PTPRK: variants seen among roughly 807,000 people sequenced by gnomAD.
PTPRK encodes receptor-type tyrosine-protein phosphatase kappa.
In PTPRK, 75 loss-of-function variants were observed where a neutral mutation model predicts 178.0. The observed-to-expected ratio is 0.42, with a 90% CI of 0.35 to 0.51. The LOEUF is 0.51. Ranked by LOEUF, PTPRK falls within the 20% of genes least tolerant of loss-of-function variation. The probability of loss-of-function intolerance (pLI) is 0.02; values close to 1 mark genes in which losing one functional copy is unlikely to be tolerated. For synonymous variants in PTPRK, 637 were observed against 620.6 expected, an observed-to-expected ratio of 1.03 and a Z score of -0.39; for missense variants, 1,441 against 1,797.8, an observed-to-expected ratio of 0.80 and a Z score of 3.59.
At chr6:128,032,881 C>A (rs1311460613) in intron 13 of PTPRK, among the ~76,000 whole-genome samples, 3 of 152,108 alleles carry the variant, frequency 2.0e-5, no homozygotes, top group Non-Finnish European at 4.4e-5. Flanking sequence ...ACCCTCAGGA[C>A]AATATTGCCT....
chr6:128,296,279 C>G (rs997255945), intron 3 of PTPRK, among the ~76,000 whole-genome samples: 1 of 152,074 alleles, frequency 6.6e-6, no homozygotes, highest in Non-Finnish European at 1.5e-5. Flanking sequence ...TTCTTCACAT[C>G]TTTGCTCAAA....
chr6:128,465,480 T>C (rs1364341564), intron 1 of PTPRK, among the ~76,000 whole-genome samples: 1 of 152,186 alleles, frequency 6.6e-6, no homozygotes, highest in Non-Finnish European at 1.5e-5. Flanking sequence ...TCTATTCATA[T>C]ACCATGTTTA....
chr6:128,191,542 T>G (rs1169526729), intron 6 of PTPRK, among the ~76,000 whole-genome samples: 2 of 151,918 alleles, frequency 1.3e-5, no homozygotes, highest in Non-Finnish European at 1.5e-5. Context: ...TTATTATATA[T>G]TTCAACATTT....
At chr6:128,229,384 T>C (rs965987486) in intron 5 of PTPRK, among the ~76,000 whole-genome samples, 8 of 152,226 alleles carry the variant, frequency 5.3e-5, no homozygotes, top group Non-Finnish European at 1.0e-4. Context: ...TAAAAACCTT[T>C]AGGCTTCAAC....
chr6:128,220,376 C>T (rs1484069474), intron 5 of PTPRK, among the ~76,000 whole-genome samples: 2 of 152,108 alleles, frequency 1.3e-5, no homozygotes, highest in African/African-American at 4.8e-5. Flanking sequence ...TTCTATATGT[C>T]AAAGACAGCA....
At chr6:128,361,897 C>T (rs942121154) in intron 2 of PTPRK, among the ~76,000 whole-genome samples, 3 of 152,024 alleles carry the variant, frequency 2.0e-5, no homozygotes, top group African/African-American at 2.4e-5. Context: ...TAGCACATTC[C>T]ATAGTTTCCA....
rs145444760 is a variant in PTPRK at position 127,996,885 on chromosome 6, T to C, written c.2767+16A>G. ...ATATAATATTTACATTCACCAAGAA[T>C]TGAATGGGAACTTACATGCTATAAT... On this transcript the variant is annotated intron_variant, in intron 17 of 29. Coordinates refer to ENST00000368226, the MANE Select transcript of PTPRK (RefSeq NM_002844.4). 318 of 1,604,896 alleles carry C rather than the reference T, an allele frequency of 2.0e-4. No homozygotes were observed. Among genetic ancestry groups the C allele is most frequent in the African/African-American group, 1.5e-3 (112 of 74,814 alleles).
intron 7 of PTPRK, among the ~76,000 whole-genome samples, chr6:128,169,804 T>C (rs983920389): frequency 5.3e-5 from 8 of 151,642 alleles, no homozygotes; most frequent in Non-Finnish European, 1.2e-4. Context: ...TGTGTGTGTG[T>C]GTGTGTGTGT....
chr6:128,011,675 G>A (rs1381361590), intron 13 of PTPRK, among the ~76,000 whole-genome samples: 1 of 151,038 alleles, frequency 6.6e-6, no homozygotes, highest in African/African-American at 2.4e-5. Flanking sequence ...TGACATGAGG[G>A]TGATGGGTAA....
rs117988408 is a variant in PTPRK at position 128,231,795 on chromosome 6, A to C, written c.693+8240T>G. Reference sequence around the variant, plus strand: ...TGCGCTCCAAAACTAGAAATTGAAAAAACAAACTCATTGACTGTCTTTTAA... The same window carrying C: ...TGCGCTCCAAAACTAGAAATTGAAACAACAAACTCATTGACTGTCTTTTAA... On this transcript the variant is annotated intron_variant, in intron 5 of 29. Transcript: ENST00000368226. Among the ~76,000 whole-genome samples the C allele has an allele frequency of 7.4e-4, 112 of 152,374 alleles. 1 individual carries two copies. In the East Asian group the frequency reaches 0.019, roughly 26 times the overall value.
intron 13 of PTPRK, among the ~76,000 whole-genome samples, chr6:128,051,370 C>T (rs943352972): frequency 6.6e-6 from 1 of 152,154 alleles, no homozygotes; most frequent in African/African-American, 2.4e-5. Context: ...TTTATTTTCT[C>T]AGCTCCAGTT....
chr6:128,083,942 G>A, intron 8 of PTPRK, 118 bp from the exon 9 acceptor site: 2 of 489,038 alleles, frequency 4.1e-6, no homozygotes, highest in Non-Finnish European at 6.9e-6. Context: ...AAATAAAAAT[G>A]TGTCCTTAAA....
Position 128,066,325 on chromosome 6 carries a change from A to C in PTPRK, c.2157+1194T>G, listed in dbSNP as rs190037864. 8.5e-5 allele frequency among the ~76,000 whole-genome samples: 13 copies of C among 152,286 alleles called. No homozygotes were observed. The East Asian group carries it at 2.3e-3, about 27-fold the overall frequency. On this transcript the variant is annotated intron_variant, in intron 12 of 29. Coordinates refer to ENST00000368226, the MANE Select transcript of PTPRK (RefSeq NM_002844.4). The stretch of plus-strand genomic sequence containing the variant: ...AACGAGAAGAGCATCTTCAACCATG[A>C]GCAGCCTCTGACTCTGGAGCACATC...
intron 12 of PTPRK, 89 bp from the exon 13 acceptor site, chr6:128,064,883 G>A: frequency 7.3e-7 from 1 of 1,366,794 alleles, no homozygotes; most frequent in Non-Finnish European, 9.5e-7. Flanking sequence ...AGATCCATCT[G>A]GGGTCATAAA....
intron 1 of PTPRK, among the ~76,000 whole-genome samples, chr6:128,427,877 G>A (rs1017099256): frequency 1.3e-5 from 2 of 152,144 alleles, no homozygotes; most frequent in Non-Finnish European, 2.9e-5. Context: ...CAGATCATGA[G>A]GTCAGGAGAT....
intron 3 of PTPRK, among the ~76,000 whole-genome samples, chr6:128,290,605 C>A (rs1041386287): frequency 3.3e-5 from 5 of 151,898 alleles, no homozygotes; most frequent in African/African-American, 1.2e-4. Flanking sequence ...ATTAGGGGAA[C>A]AGGGGCCAGT....
In PTPRK at chr6:128,313,370, C is replaced by G. The variant is rs148493236; in HGVS notation, c.495+8669G>C. ...CCTTTTTAAAAGAGGGCCTATAATA[C>G]TATTGGAGGAAAAATACCTGAAATA... On this transcript the variant is annotated intron_variant, in intron 3 of 29. Coordinates refer to ENST00000368226, the MANE Select transcript of PTPRK (RefSeq NM_002844.4). Among the ~76,000 whole-genome samples the G allele has an allele frequency of 7.5e-3, 1,145 of 152,098 alleles. 7 individuals carry two copies. The highest frequency in any genetic ancestry group is 0.02 in the Middle Eastern group (6 of 294).
intron 3 of PTPRK, among the ~76,000 whole-genome samples, chr6:128,285,942 C>T (rs1295882996): frequency 6.6e-6 from 1 of 152,104 alleles, no homozygotes; most frequent in Non-Finnish European, 1.5e-5. Flanking sequence ...GACTCCTTCC[C>T]CTGCCTTGTT....
intron 3 of PTPRK, among the ~76,000 whole-genome samples, chr6:128,299,101 G>C (rs1299990029): frequency 1.3e-5 from 2 of 152,140 alleles, no homozygotes; most frequent in African/African-American, 4.8e-5. Context: ...GCCAAATCAT[G>C]AGTGAACTCC....
Sources: allele counts gnomAD v4.1 joint callset (sites outside exome capture counted in the v4.1 genomes callset), GRCh38; gene constraint gnomAD v4.1.1; transcripts MANE v1.5; gene names NCBI Gene and HGNC (gene_info 2026-07-23, HGNC 2026-07-21).